The following EVL variants were observed in gnomAD, a reference collection of about 807,000 sequenced individuals.
The protein encoded by EVL is ena/VASP-like protein.
A neutral mutation model predicts 59.6 loss-of-function variants in EVL; 21 were observed. The ratio of observed to expected loss-of-function variants is 0.35; its 90% CI spans 0.25 to 0.51. EVL has a LOEUF of 0.51. Among genes scored for constraint, EVL ranks in the 20% least tolerant of loss-of-function variants. The pLI, the probability that EVL is intolerant of heterozygous loss-of-function variation, is 0.97. For missense variants in EVL, 462 were observed against 546.6 expected (o/e 0.85, Z 1.54); for synonymous variants, 198 against 203.5 (o/e 0.97, Z 0.23).
intron 7 of EVL, among the ~76,000 whole-genome samples, chr14:100,131,594 G>A (rs1888440703): frequency 6.6e-6 from 1 of 152,228 alleles, no homozygotes; most frequent in Non-Finnish European, 1.5e-5. Context: ...CACTCCCCGT[G>A]AGCAGGTGGC....
At chr14:100,113,934 A>G (rs1333699146) in intron 3 of EVL, among the ~76,000 whole-genome samples, 2 of 152,148 alleles carry the variant, frequency 1.3e-5, no homozygotes, top group Non-Finnish European at 2.9e-5. Context: ...GGAGAACCAC[A>G]GTAGTTTCCT....
At chr14:100,073,609 T>C (rs1023269019) in intron 1 of EVL, among the ~76,000 whole-genome samples, 1 of 152,144 alleles carries the variant, frequency 6.6e-6, no homozygotes, top group East Asian at 1.9e-4. Flanking sequence ...TGTGAGCCAC[T>C]GTGCCCGGCC....
chr14:100,094,824 G>A (rs542683584), intron 2 of EVL, among the ~76,000 whole-genome samples: 1 of 152,144 alleles, frequency 6.6e-6, no homozygotes, highest in South Asian at 2.1e-4. Flanking sequence ...GGCAGATCAC[G>A]AGGTCAGGAG....
upstream of EVL, among the ~76,000 whole-genome samples, chr14:100,062,122 A>G (rs2061845701): frequency 6.6e-6 from 1 of 151,920 alleles, no homozygotes. Flanking sequence ...TACGCAACAG[A>G]GTGAGACCAC....
chr14:99,975,383 A>G (rs756871241), intron 1 of EVL, among the ~76,000 whole-genome samples: 12 of 152,082 alleles, frequency 7.9e-5, no homozygotes, highest in Non-Finnish European at 1.8e-4. Flanking sequence ...TTGTGGCTTC[A>G]TGTCTTCCAT....
chr14:100,007,367 T>A (rs767873881), intron 1 of EVL, among the ~76,000 whole-genome samples: 1 of 152,184 alleles, frequency 6.6e-6, no homozygotes, highest in South Asian at 2.1e-4. Context: ...AGCAGAGGAA[T>A]GACTTTGAAT....
At chr14:100,061,202 G>A (rs1449986231), upstream of EVL, among the ~76,000 whole-genome samples, 1 of 151,678 alleles carries the variant, frequency 6.6e-6, no homozygotes, top group African/African-American at 2.4e-5. Context: ...ACCAGCCAGG[G>A]CAACATGTTG....
chr14:100,075,129 T>C (rs992805511), intron 1 of EVL, among the ~76,000 whole-genome samples: 3 of 152,236 alleles, frequency 2.0e-5, no homozygotes, highest in African/African-American at 7.2e-5. Flanking sequence ...CAGGTGAAGA[T>C]GTCACCTATG....
chr14:100,128,784 G>T, intron 6 of EVL, 36 bp downstream of exon 6: 1 of 1,561,008 alleles, frequency 6.4e-7, no homozygotes, highest in South Asian at 1.1e-5. Context: ...GAATGGGACC[G>T]AGGGGACCCT....
chr14:100,131,429 A>G (rs1207856652), intron 7 of EVL, among the ~76,000 whole-genome samples: 2 of 152,220 alleles, frequency 1.3e-5, no homozygotes, highest in South Asian at 2.1e-4. Context: ...GGAGCCGACG[A>G]TGAAAGTGCC....
At chr14:100,011,067 CAT>C (rs1462543791) in intron 1 of EVL, among the ~76,000 whole-genome samples, 2 of 152,082 alleles carry the variant, frequency 1.3e-5, no homozygotes, top group Non-Finnish European at 2.9e-5. Context: ...TTATAAAGAA[CAT>C]GTGAATGAGG....
intron 1 of EVL, among the ~76,000 whole-genome samples, chr14:99,998,264 A>C (rs1320507699): frequency 6.6e-6 from 1 of 151,878 alleles, no homozygotes; most frequent in East Asian, 1.9e-4. Flanking sequence ...TGATCCTCCC[A>C]CCCCAGCCTC....
In EVL at chr14:99,977,165, C is replaced by T. The variant is rs112095468; in HGVS notation, c.5+5108C>T. On this transcript the variant is annotated intron_variant, in intron 1 of 13. Transcript: ENST00000402714. ...TCCTAATTGTATTAGATTATCTCTG[C>T]CAGTTTGTGAAATGCTTTTGGAATC... 11 of 152,210 alleles carry T rather than the reference C, an allele frequency of 7.2e-5. 1 individual carries two copies. Among genetic ancestry groups the T allele is most frequent in the African/African-American group, 2.7e-4 (11 of 41,508 alleles). 9.4% of individuals were successfully genotyped at this position (152,210 alleles called of 1,614,324 possible).
intron 1 of EVL, among the ~76,000 whole-genome samples, chr14:100,041,793 GGTGA>G (rs2061471515): frequency 6.6e-6 from 1 of 152,036 alleles, no homozygotes; most frequent in Non-Finnish European, 1.5e-5. Context: ...GGTATTTTTT[GGTGA>G]ACTGTTTTTT....
chr14:100,137,787 C>A lies in EVL; in HGVS notation c.1079C>A (p.Ser360Ter). 6.2e-7 allele frequency: 1 copy of A among 1,614,116 alleles called. No homozygotes were observed. The highest frequency in any genetic ancestry group is 8.5e-7 in the Non-Finnish European group (1 of 1,180,034). The change falls in exon 11 of 14, where the codon TCG becomes TAG. Residue 360 changes from serine (S) to a stop codon, truncating the protein, a stop_gained. Coordinates refer to ENST00000392920, the MANE Select transcript of EVL (RefSeq NM_016337.3). LOFTEE classifies it high-confidence loss of function. ...KSPEAKSPLQ[S>*]QPHSRMKPAG... is the part of the protein sequence containing the mutation. ...CCCGAAGCTAAGAGCCCCCTTCAGT[C>A]GCAGCCTCACTCTAGGTACCGAACA...
chr14:100,141,859 C>A, intron 13 of EVL, 66 bp downstream of exon 13: 1 of 1,520,150 alleles, frequency 6.6e-7, no homozygotes, highest in Non-Finnish European at 9.0e-7. Context: ...TCCCTGTCAC[C>A]CAGGCTGGGG....
chr14:100,096,926 T>TC (rs1465463096), intron 2 of EVL: 1 of 152,634 alleles, frequency 6.6e-6, no homozygotes, highest in East Asian at 1.9e-4. Flanking sequence ...CCCAAGTTAT[T>TC]CTTTCGACAC....
intron 1 of EVL, among the ~76,000 whole-genome samples, chr14:100,042,413 C>T (rs574336538): frequency 6.6e-6 from 1 of 152,316 alleles, no homozygotes; most frequent in East Asian, 1.9e-4. Context: ...ACGTGATATT[C>T]TTTGCTCTGT....
chr14:100,087,926 CAA>C (rs1024358653), intron 2 of EVL, among the ~76,000 whole-genome samples: 3 of 152,086 alleles, frequency 2.0e-5, no homozygotes, highest in African/African-American at 4.8e-5. Flanking sequence ...GAAGGAGTAA[CAA>C]GAGATATTTA....
Sources: gnomAD v4.1 joint callset for allele counts (sites outside exome capture counted in the v4.1 genomes callset) on GRCh38, gnomAD v4.1.1 for gene constraint, MANE v1.5 for transcripts, NCBI Gene and HGNC (gene_info 2026-07-23, HGNC 2026-07-21) for gene names.